ERBB4: variants seen among roughly 807,000 people sequenced by gnomAD.
ERBB4 encodes erb-b2 receptor tyrosine kinase 4.
ERBB4 carries 42 observed loss-of-function variants against 158.0 expected under a neutral mutation model. That is an observed-to-expected ratio of 0.27 (90% CI 0.21 to 0.34). The LOEUF (loss-of-function observed/expected upper bound fraction) is 0.34, where lower values mean the gene tolerates loss of function less well. Ranked by LOEUF, ERBB4 falls within the 10% of genes least tolerant of loss-of-function variation. The probability of loss-of-function intolerance (pLI) is 1.00; values close to 1 mark genes in which losing one functional copy is unlikely to be tolerated. For missense variants in ERBB4, 1,333 were observed against 1,624.1 expected, an observed-to-expected ratio of 0.82 and a Z score of 3.08; for synonymous variants, 583 against 558.7, an observed-to-expected ratio of 1.04 and a Z score of -0.61.
At chr2:211,387,197 A>G in intron 26 of ERBB4, 47 bp from the exon 27 acceptor site, 1 of 1,417,602 alleles carries the variant, frequency 7.1e-7, no homozygotes. Context: ...TGTTAGAAAT[A>G]GTTTAAAAAT....
At chr2:212,324,135 C>T (rs1462623732) in intron 1 of ERBB4, among the ~76,000 whole-genome samples, 2 of 150,716 alleles carry the variant, frequency 1.3e-5, no homozygotes, top group East Asian at 1.9e-4. Context: ...ATCACAGTTG[C>T]TTTCGGCAGC....
chr2:211,959,856 C>T (rs2081134011), intron 2 of ERBB4, among the ~76,000 whole-genome samples: 1 of 152,000 alleles, frequency 6.6e-6, no homozygotes, highest in South Asian at 2.1e-4. Flanking sequence ...TTTACAACCA[C>T]TGTGAAAGAC....
At chr2:211,465,710 T>C (rs956104217) in intron 20 of ERBB4, among the ~76,000 whole-genome samples, 1 of 152,076 alleles carries the variant, frequency 6.6e-6, no homozygotes, top group Non-Finnish European at 1.5e-5. Context: ...CAAAGAAACC[T>C]CCTATCTGCT....
intron 1 of ERBB4, among the ~76,000 whole-genome samples, chr2:212,164,224 C>T (rs2081282368): frequency 2.0e-5 from 3 of 151,880 alleles, no homozygotes; most frequent in South Asian, 4.1e-4. Flanking sequence ...TGACATATGG[C>T]TAGTCTGAAT....
intron 3 of ERBB4, among the ~76,000 whole-genome samples, chr2:211,851,592 G>A (rs1329878228): frequency 6.6e-6 from 1 of 151,820 alleles, no homozygotes; most frequent in African/African-American, 2.4e-5. Flanking sequence ...AAGTTGAAGA[G>A]CATATTTGCT....
chr2:211,376,260 A>T lies in ERBB4; in HGVS notation c.*7355T>A. On this transcript the variant is annotated 3_prime_UTR_variant, in exon 28 of 28. Coordinates refer to ENST00000342788, the MANE Select transcript of ERBB4 (RefSeq NM_005235.3). ...AAATGATAACTTCCAACCAAAAAAG[A>T]AACAATCACAGGCCAATTACTTATA... 4.3e-6 allele frequency: 1 copy of T among 233,142 alleles called. No homozygotes were observed. Among genetic ancestry groups the T allele is most frequent in the East Asian group, 6.1e-5 (1 of 16,498 alleles). 14.4% of individuals were successfully genotyped at this position (233,142 alleles called of 1,614,324 possible).
At chr2:212,453,290 T>C (rs1273906405) in intron 1 of ERBB4, among the ~76,000 whole-genome samples, 1 of 152,190 alleles carries the variant, frequency 6.6e-6, no homozygotes, top group East Asian at 1.9e-4. Context: ...CCTACATTGA[T>C]TTCCCATTTA....
chr2:212,315,007 T>C (rs1011250677), intron 1 of ERBB4, among the ~76,000 whole-genome samples: 2 of 151,250 alleles, frequency 1.3e-5, no homozygotes, highest in East Asian at 3.9e-4. Flanking sequence ...GAGGTATCTT[T>C]CTGTACTTTG....
chr2:212,132,642 T>G (rs72939823), intron 1 of ERBB4, among the ~76,000 whole-genome samples: 16,727 of 152,120 alleles, frequency 0.11, 1,396 homozygotes, highest in African/African-American at 0.24. Flanking sequence ...CCATTGCCAC[T>G]CTAACTCTCA....
intron 16 of ERBB4, among the ~76,000 whole-genome samples, chr2:211,650,169 C>T (rs1022502518): frequency 5.3e-5 from 8 of 151,864 alleles, no homozygotes; most frequent in Non-Finnish European, 1.2e-4. Context: ...CAATATATGC[C>T]TAAATTACAT....
At chr2:211,474,321 C>T (rs2064901907) in intron 20 of ERBB4, among the ~76,000 whole-genome samples, 1 of 151,858 alleles carries the variant, frequency 6.6e-6, no homozygotes, top group South Asian at 2.1e-4. Flanking sequence ...TTTCTCCAAA[C>T]CTATTATTAT....
chr2:211,774,245 G>A (rs566860686), intron 4 of ERBB4, among the ~76,000 whole-genome samples: 31 of 151,898 alleles, frequency 2.0e-4, no homozygotes, highest in African/African-American at 5.3e-4. Context: ...ACTAATTTTC[G>A]TATTTTTGTA....
chr2:212,267,723 G>C lies in ERBB4; in HGVS notation c.83-142820C>G, dbSNP rs542234184. On this transcript the variant is annotated intron_variant, in intron 1 of 27. Transcript: ENST00000342788. ...ATTAACTCTTCATTTAACGTTAGGTGTATCTCCTAATGCTATCCCTCCCCC... is the reference window on the plus strand; with the variant it reads ...ATTAACTCTTCATTTAACGTTAGGTCTATCTCCTAATGCTATCCCTCCCCC... 5.3e-5 allele frequency among the ~76,000 whole-genome samples: 8 copies of C among 150,684 alleles called. 1 individual carries two copies. The highest frequency in any genetic ancestry group is 4.7e-4 in the Admixed American group (7 of 14,986).
chr2:212,418,554 T>C (rs2091714388), intron 1 of ERBB4, among the ~76,000 whole-genome samples: 1 of 150,940 alleles, frequency 6.6e-6, no homozygotes, highest in Non-Finnish European at 1.5e-5. Context: ...TATATATGTA[T>C]ATTTGAAGTC....
At chr2:211,393,752 T>C (rs1233553640) in intron 25 of ERBB4, among the ~76,000 whole-genome samples, 3 of 129,906 alleles carry the variant, frequency 2.3e-5, no homozygotes, top group Non-Finnish European at 4.6e-5. Flanking sequence ...TGTGTGTGTG[T>C]GTGTGTGTGT....
intron 20 of ERBB4, among the ~76,000 whole-genome samples, chr2:211,553,085 C>T (rs945312726): frequency 1.3e-4 from 20 of 151,902 alleles, no homozygotes; most frequent in Non-Finnish European, 1.5e-4. Context: ...TCTCCTACCT[C>T]GACCTCCTGA....
intron 2 of ERBB4, among the ~76,000 whole-genome samples, chr2:212,006,637 C>G (rs1461685207): frequency 6.6e-6 from 1 of 151,928 alleles, no homozygotes; most frequent in African/African-American, 2.4e-5. Flanking sequence ...ATTAATAGAG[C>G]TTTGATTGGC....
chr2:212,037,685 C>T (rs2077047082), intron 2 of ERBB4, among the ~76,000 whole-genome samples: 2 of 152,142 alleles, frequency 1.3e-5, no homozygotes, highest in South Asian at 4.1e-4. Flanking sequence ...ACATAAACTT[C>T]TTATGTGCAG....
At chr2:211,628,922 G>A (rs1037945954) in intron 17 of ERBB4, among the ~76,000 whole-genome samples, 8 of 152,312 alleles carry the variant, frequency 5.3e-5, no homozygotes, top group African/African-American at 1.9e-4. Context: ...GATGGCCAGT[G>A]ATGATGAGCA....
Sources: allele counts gnomAD v4.1 joint callset (sites outside exome capture counted in the v4.1 genomes callset), GRCh38; gene constraint gnomAD v4.1.1; transcripts MANE v1.5; gene names NCBI Gene and HGNC (gene_info 2026-07-23, HGNC 2026-07-21).